The following ZSWIM6 variants were observed in gnomAD, a reference collection of about 807,000 sequenced individuals.
The protein encoded by ZSWIM6 is zinc finger SWIM-type containing 6.
In ZSWIM6, 9 loss-of-function variants were observed where a neutral mutation model predicts 113.2. The observed-to-expected ratio is 0.08, with a 90% CI of 0.05 to 0.14. The LOEUF (loss-of-function observed/expected upper bound fraction) is 0.14, where lower values mean the gene tolerates loss of function less well. Among genes scored for constraint, ZSWIM6 ranks in the 10% least tolerant of loss-of-function variants. ZSWIM6 has a pLI of 1.00. For missense variants in ZSWIM6, 1,162 were observed against 1,552.2 expected (o/e 0.75, Z 4.22); for synonymous variants, 611 against 606.5 (o/e 1.01, Z -0.11).
intron 1 of ZSWIM6, among the ~76,000 whole-genome samples, chr5:61,366,927 CAAA>C (rs34423967): frequency 7.0e-5 from 6 of 86,106 alleles, no homozygotes; most frequent in Non-Finnish European, 1.4e-4. Context: ...TCTGCTGTCT[CAAA>C]AAAAAAAAAA....
chr5:61,376,413 A>G (rs1425571567), intron 1 of ZSWIM6, among the ~76,000 whole-genome samples: 4 of 151,982 alleles, frequency 2.6e-5, no homozygotes. Context: ...CATCTGTATT[A>G]TGGACACAGT....
At chr5:61,359,223 C>G (rs1273557149) in intron 1 of ZSWIM6, among the ~76,000 whole-genome samples, 4 of 151,958 alleles carry the variant, frequency 2.6e-5, no homozygotes, top group African/African-American at 9.7e-5. Flanking sequence ...TGGGGAATGT[C>G]AGAGATTTCT....
At chr5:61,534,305 A>C (rs1255896692) in intron 9 of ZSWIM6, among the ~76,000 whole-genome samples, 3 of 152,204 alleles carry the variant, frequency 2.0e-5, no homozygotes, top group African/African-American at 7.2e-5. Context: ...TATGATTTTA[A>C]AGTACTTAAA....
At chr5:61,495,813 A>C (rs894960811) in intron 4 of ZSWIM6, among the ~76,000 whole-genome samples, 1 of 152,178 alleles carries the variant, frequency 6.6e-6, no homozygotes, top group Non-Finnish European at 1.5e-5. Context: ...TGCTTTATAA[A>C]GTAAAAAGGA....
chr5:61,467,979 G>A (rs1405375533), intron 1 of ZSWIM6, among the ~76,000 whole-genome samples: 1 of 152,184 alleles, frequency 6.6e-6, no homozygotes, highest in East Asian at 1.9e-4. Context: ...GAAAGGGAAT[G>A]TGTCCACACC....
chr5:61,399,063 C>T (rs1212735194), intron 1 of ZSWIM6, among the ~76,000 whole-genome samples: 2 of 151,462 alleles, frequency 1.3e-5, no homozygotes, highest in African/African-American at 2.4e-5. Flanking sequence ...GCTTGGACTA[C>T]AGACGCATGC....
chr5:61,515,399 T>C (rs1748905548), intron 4 of ZSWIM6, among the ~76,000 whole-genome samples: 1 of 152,148 alleles, frequency 6.6e-6, no homozygotes, highest in Admixed American at 6.5e-5. Flanking sequence ...TCTCCCAAAG[T>C]GCTGGGATTA....
At chr5:61,380,391 G>A (rs1298777238) in intron 1 of ZSWIM6, among the ~76,000 whole-genome samples, 1 of 152,126 alleles carries the variant, frequency 6.6e-6, no homozygotes, top group African/African-American at 2.4e-5. Flanking sequence ...ACAGTCATTA[G>A]TAAGTATTCT....
At position 61,543,724 on chromosome 5, in the gene ZSWIM6, G is replaced by A. The variant is rs1236517352; in HGVS notation, c.3055G>A (p.Asp1019Asn). 6.4e-7 allele frequency: 1 copy of A among 1,551,630 alleles called. No homozygotes were observed. The highest frequency in any genetic ancestry group is 2.4e-5 in the East Asian group (1 of 40,914). The change falls in exon 14 of 14, where the codon GAC becomes AAC. Residue 1019 changes from aspartate to asparagine, a missense_variant. Physicochemically the swap from Asp to Asn is conservative, Grantham distance 23. Coordinates refer to ENST00000252744, the MANE Select transcript of ZSWIM6 (RefSeq NM_020928.2). This position sits in a 1 kb window ranked among gnomAD's most constrained non-coding sequence, Gnocchi z 4.3. ...AFETAYQIVLDAATTGMSYTQ... is the reference protein window; with the variant it reads ...AFETAYQIVLNAATTGMSYTQ... ...TGAGACGGCGTACCAAATTGTTCTCGACGCTGCTACGACTGGCATGAGCTA... is the reference window on the plus strand; with the variant it reads ...TGAGACGGCGTACCAAATTGTTCTCAACGCTGCTACGACTGGCATGAGCTA...
In ZSWIM6 at chr5:61,350,135, G is replaced by A. The variant is rs148122539; in HGVS notation, c.676+17187G>A. Among the ~76,000 whole-genome samples the A allele has an allele frequency of 5.6e-3, 856 of 152,260 alleles. 4 individuals carry two copies. The highest frequency in any genetic ancestry group is 0.019 in the African/African-American group (783 of 41,546). ...ACTCTCAGTGCTTGGCCCCTGAGAG[G>A]GCTGGGTTATCCAGATATTGTGTGA... On this transcript the variant is annotated intron_variant, in intron 1 of 13. Coordinates refer to ENST00000252744, the MANE Select transcript of ZSWIM6 (RefSeq NM_020928.2).
intron 1 of ZSWIM6, among the ~76,000 whole-genome samples, chr5:61,384,042 C>A (rs1745542143): frequency 6.8e-6 from 1 of 148,040 alleles, no homozygotes; most frequent in African/African-American, 2.5e-5. Context: ...GAGATCGAGA[C>A]CATCCTGGCT....
At chr5:61,389,351 C>T (rs377650058) in intron 1 of ZSWIM6, among the ~76,000 whole-genome samples, 9 of 151,460 alleles carry the variant, frequency 5.9e-5, no homozygotes, top group East Asian at 5.9e-4. Flanking sequence ...GTCAGGAGTT[C>T]GAGACCATCC....
intron 1 of ZSWIM6, among the ~76,000 whole-genome samples, chr5:61,423,976 C>T (rs1746408923): frequency 6.6e-6 from 1 of 152,192 alleles, no homozygotes; most frequent in Admixed American, 6.5e-5. Flanking sequence ...TCCTTAAATT[C>T]CTGTGCCTGT....
chr5:61,388,737 G>A (rs906888884), intron 1 of ZSWIM6, among the ~76,000 whole-genome samples: 1 of 152,230 alleles, frequency 6.6e-6, no homozygotes, highest in African/African-American at 2.4e-5. Context: ...GCTTTGCTGT[G>A]TAGTGACTGA....
intron 3 of ZSWIM6, among the ~76,000 whole-genome samples, chr5:61,491,858 G>C (rs1474457146): frequency 6.6e-6 from 1 of 151,748 alleles, no homozygotes; most frequent in Non-Finnish European, 1.5e-5. Context: ...CTGTTACTGG[G>C]TATGGCCAGG....
chr5:61,366,184 C>T (rs1745147179), intron 1 of ZSWIM6, among the ~76,000 whole-genome samples: 1 of 152,210 alleles, frequency 6.6e-6, no homozygotes, highest in South Asian at 2.1e-4. Context: ...GCGTGAACCA[C>T]CACACCCAGC....
chr5:61,440,919 A>G (rs561353430), intron 1 of ZSWIM6, among the ~76,000 whole-genome samples: 70 of 152,230 alleles, frequency 4.6e-4, no homozygotes, highest in Non-Finnish European at 8.5e-4. Flanking sequence ...GCTAAGGGCT[A>G]TAATAGCGAT....
rs566459623 is a variant in ZSWIM6 at position 61,499,382 on chromosome 5, G to A, written c.1333+4972G>A. Among the ~76,000 whole-genome samples the A allele has an allele frequency of 3.3e-5, 5 of 152,252 alleles. No homozygotes were observed. The South Asian group carries it at 1.0e-3, about 32-fold the overall frequency. The stretch of plus-strand genomic sequence containing the variant: ...TGGTCTCTCTATCAGTGTGTATGAA[G>A]CACTTGCTATGTCTAGAGGAACAGA... On this transcript the variant is annotated intron_variant, in intron 4 of 13. Transcript: ENST00000252744.
chr5:61,375,150 A>C, intron 1 of ZSWIM6: 3 of 1,613,052 alleles, frequency 1.9e-6, no homozygotes, highest in Non-Finnish European at 2.5e-6. Flanking sequence ...ATATGAACCC[A>C]ATAGCAATGG....
Sources: gnomAD v4.1 joint callset for allele counts (sites outside exome capture counted in the v4.1 genomes callset) on GRCh38, gnomAD v4.1.1 for gene constraint, Gnocchi (gnomAD v3.1) non-coding constraint, MANE v1.5 for transcripts, NCBI Gene and HGNC (gene_info 2026-07-23, HGNC 2026-07-21) for gene names.